TRMT11: variants seen among roughly 807,000 people sequenced by gnomAD.
TRMT11 encodes the protein tRNA methyltransferase 11, also known as tRNA (guanine(10)-N(2))-methyltransferase TRMT11.
In TRMT11, 53 loss-of-function variants were observed where a neutral mutation model predicts 62.8. The ratio of observed to expected loss-of-function variants is 0.84; its 90% confidence interval spans 0.68 to 1.06. The LOEUF is 1.06. Among genes scored for constraint, TRMT11 ranks in the 50% least tolerant of loss-of-function variants. TRMT11 has a pLI of 0.00. For missense variants in TRMT11, 556 were observed against 553.4 expected, an observed-to-expected ratio of 1.00 and a Z score of -0.05; for synonymous variants, 188 against 190.3, an observed-to-expected ratio of 0.99 and a Z score of 0.10.
intron 7 of TRMT11, among the ~76,000 whole-genome samples, chr6:126,001,784 C>G (rs558898271): frequency 3.3e-5 from 5 of 152,084 alleles, no homozygotes; most frequent in African/African-American, 9.6e-5. Context: ...GGATGATTTT[C>G]CAACTCCAGT....
chr6:126,241,620 G>A, the TRMT11 span, among the ~76,000 whole-genome samples: 7 of 152,118 alleles, frequency 4.6e-5, no homozygotes, highest in Non-Finnish European at 1.0e-4. Flanking sequence ...TTCATCCCTG[G>A]GATGCGAAGC....
downstream of TRMT11, among the ~76,000 whole-genome samples, chr6:126,041,439 C>G (rs145752139): frequency 1.1e-4 from 16 of 152,148 alleles, no homozygotes; most frequent in East Asian, 2.9e-3. Flanking sequence ...ATAAGCAACT[C>G]TGGCTCTTGA....
the TRMT11 span, among the ~76,000 whole-genome samples, chr6:126,266,072 G>A: frequency 5.3e-5 from 8 of 152,170 alleles, no homozygotes; most frequent in Middle Eastern, 3.4e-3. Context: ...TCTTACCCTT[G>A]AAAATGATTG....
rs1368491443 is a variant in TRMT11, at chr6:126,128,816, A to T, written c.*1823+12961A>T. Among the ~76,000 whole-genome samples, 8 of 152,038 alleles carry T rather than the reference A, an allele frequency of 5.3e-5. No homozygotes were observed. The East Asian group carries it at 1.4e-3, about 26-fold the overall frequency. On this transcript the variant is annotated intron_variant and NMD_transcript_variant, in intron 21 of 22. Coordinates refer to the TRMT11 transcript ENST00000648977. The stretch of plus-strand genomic sequence containing the variant: ...GATGAACTTGCTTTGGAAGTTATTG[A>T]TCATGACCATTATATGAGAAGAAGA...
chr6:126,152,109 C>G (rs1237231183), intron 21 of TRMT11, among the ~76,000 whole-genome samples: 1 of 142,464 alleles, frequency 7.0e-6, no homozygotes, highest in Non-Finnish European at 1.5e-5. Context: ...ATTTAGTTCT[C>G]TCTCCTTTTT....
chr6:126,083,810 C>T (rs1777186115), intron 17 of TRMT11, among the ~76,000 whole-genome samples: 1 of 152,088 alleles, frequency 6.6e-6, no homozygotes, highest in Non-Finnish European at 1.5e-5. Flanking sequence ...CACTATTTTG[C>T]TCTCTCTTTC....
At chr6:126,093,625 A>ATTTTTTTTTTTTTT (rs1483189635) in intron 17 of TRMT11, among the ~76,000 whole-genome samples, 2 of 103,520 alleles carry the variant, frequency 1.9e-5, no homozygotes, top group African/African-American at 9.6e-5. Flanking sequence ...ATATATATAT[A>ATTTTTTTTTTTTTT]TATATATTTT....
the TRMT11 span, among the ~76,000 whole-genome samples, chr6:126,263,387 A>G: frequency 2.0e-5 from 3 of 152,178 alleles, no homozygotes; most frequent in African/African-American, 4.8e-5. Context: ...ACATATAAAT[A>G]TATCACTAAA....
downstream of TRMT11, among the ~76,000 whole-genome samples, chr6:126,040,117 G>C (rs1775831113): frequency 6.6e-6 from 1 of 152,034 alleles, no homozygotes; most frequent in African/African-American, 2.4e-5. Flanking sequence ...GGTTATATGG[G>C]AGGTGAGTTT....
At chr6:126,192,977 CT>C (rs1361269517) in intron 1 of TRMT11, among the ~76,000 whole-genome samples, 1 of 151,866 alleles carries the variant, frequency 6.6e-6, no homozygotes, top group Non-Finnish European at 1.5e-5. Flanking sequence ...TCCTCTTCAA[CT>C]TTTTTTTGAA....
intron 21 of TRMT11, among the ~76,000 whole-genome samples, chr6:126,144,900 T>C (rs528321580): frequency 6.6e-6 from 1 of 152,326 alleles, no homozygotes; most frequent in Admixed American, 6.5e-5. Flanking sequence ...TTCTATACAA[T>C]TAAGTTCTTT....
chr6:126,233,216 G>A, the TRMT11 span, among the ~76,000 whole-genome samples: 2 of 152,142 alleles, frequency 1.3e-5, no homozygotes, highest in African/African-American at 4.8e-5. Context: ...ATTACTGTGG[G>A]TATAGGTTTG....
At chr6:126,161,036 AC>A (rs1778184202) in intron 21 of TRMT11, among the ~76,000 whole-genome samples, 1 of 152,172 alleles carries the variant, frequency 6.6e-6, no homozygotes, top group Non-Finnish European at 1.5e-5. Context: ...ATTGGCAGCC[AC>A]CACCTGGTAC....
At chr6:126,102,238 A>G (rs1481484339) in intron 17 of TRMT11, among the ~76,000 whole-genome samples, 1 of 152,206 alleles carries the variant, frequency 6.6e-6, no homozygotes, top group African/African-American at 2.4e-5. Flanking sequence ...GAATGTGTCC[A>G]TGGTAGCCAA....
At chr6:126,071,222 G>C (rs947634522) in intron 17 of TRMT11, among the ~76,000 whole-genome samples, 7 of 151,760 alleles carry the variant, frequency 4.6e-5, no homozygotes, top group Non-Finnish European at 5.9e-5. Flanking sequence ...TGTTTCCTTG[G>C]GGGGGTGGGG....
chr6:126,220,634 T>G, the TRMT11 span, among the ~76,000 whole-genome samples: 1 of 152,344 alleles, frequency 6.6e-6, no homozygotes, highest in Admixed American at 6.5e-5. Context: ...CTCTTTGCTC[T>G]TTTGAAAGAG....
chr6:126,024,492 CA>C (rs2128003092), intron 12 of TRMT11, among the ~76,000 whole-genome samples: 1 of 152,368 alleles, frequency 6.6e-6, no homozygotes, highest in Non-Finnish European at 1.5e-5. Flanking sequence ...ACTGTAACCT[CA>C]AACTCCTGGG....
chr6:126,237,065 T>G, the TRMT11 span, among the ~76,000 whole-genome samples: 10 of 142,458 alleles, frequency 7.0e-5, no homozygotes, highest in Non-Finnish European at 9.4e-5. Context: ...CTCCTAGAGA[T>G]AGAGAGAGAG....
intron 1 of TRMT11, among the ~76,000 whole-genome samples, chr6:126,183,980 TA>T (rs1375084925): frequency 5.3e-5 from 8 of 152,086 alleles, no homozygotes; most frequent in African/African-American, 1.9e-4. Context: ...GAAAATGAGA[TA>T]ATTGGATGAG....
Sources: gnomAD v4.1 joint callset for allele counts (sites outside exome capture counted in the v4.1 genomes callset) on GRCh38, gnomAD v4.1.1 for gene constraint, MANE v1.5 for transcripts, NCBI Gene and HGNC (gene_info 2026-07-23, HGNC 2026-07-21) for gene names.